Variants in FKBP5 observed in about 807,000 individuals in gnomAD.
FKBP5 encodes FKBP prolyl isomerase 5.
A neutral mutation model predicts 50.5 loss-of-function variants in FKBP5; 23 were observed. The ratio of observed to expected loss-of-function variants is 0.46; its 90% CI spans 0.33 to 0.65. The LOEUF (loss-of-function observed/expected upper bound fraction) is 0.65, where lower values mean the gene tolerates loss of function less well. FKBP5 is among the 30% of genes least tolerant of loss of function. The probability of loss-of-function intolerance (pLI) is 0.02; values close to 1 mark genes in which losing one functional copy is unlikely to be tolerated. For missense variants in FKBP5, 411 were observed against 553.1 expected (o/e 0.74, Z 2.58); for synonymous variants, 176 against 190.6 (o/e 0.92, Z 0.63).
chr6:35,604,315 A>C (rs182891407), intron 5 of FKBP5, among the ~76,000 whole-genome samples: 4 of 152,250 alleles, frequency 2.6e-5, no homozygotes, highest in African/African-American at 7.2e-5. Context: ...GGCCAGAAAG[A>C]CTTATTTTCT....
chr6:35,600,280 G>A (rs774193167), intron 5 of FKBP5, among the ~76,000 whole-genome samples: 24 of 152,038 alleles, frequency 1.6e-4, no homozygotes, highest in Admixed American at 7.9e-4. Context: ...CGCTGAGGGT[G>A]GTGACGCACA....
In FKBP5 at chr6:35,586,863, CAT is replaced by C. The variant is rs111643517; in HGVS notation, c.840+169_840+170del. On this transcript the variant is annotated intron_variant, in intron 8 of 10. Transcript: ENST00000357266. ...GAATCTGTACTTTTTTTTTTTTCCA[CAT>C]GATTGTTTTCTCACCATTTTTCATA... is the stretch of plus-strand genomic sequence containing the variant. 2.1e-3 allele frequency: 2,957 copies of C among 1,437,080 alleles called. 18 individuals carry two copies. The African/African-American group carries it at 0.024, about 12-fold the overall frequency. The allele number at this position is 1,437,080 out of a possible 1,614,324, so 89.0% of individuals were successfully genotyped here. A position where few individuals can be genotyped will look rare whatever the true frequency, so the allele number is the denominator to read the frequency against.
intron 8 of FKBP5, chr6:35,586,797 T>C: frequency 7.2e-7 from 1 of 1,397,142 alleles, no homozygotes; most frequent in Non-Finnish European, 9.3e-7. Flanking sequence ...CTGGTCTGCC[T>C]GTATGGAAGG....
At chr6:35,583,927 G>T in intron 8 of FKBP5, 1 of 985,380 alleles carries the variant, frequency 1.0e-6, no homozygotes, top group South Asian at 4.7e-5. Flanking sequence ...TTTATCTGAA[G>T]AGTTTAGAGG....
At chr6:35,648,626 T>C (rs1042150122) in intron 1 of FKBP5, among the ~76,000 whole-genome samples, 3 of 152,148 alleles carry the variant, frequency 2.0e-5, no homozygotes, top group Non-Finnish European at 4.4e-5. Flanking sequence ...ATATTCAATA[T>C]ATCATTTAGT....
intron 8 of FKBP5, chr6:35,585,270 T>C (rs1561844477): frequency 1.0e-6 from 1 of 982,284 alleles, no homozygotes; most frequent in Non-Finnish European, 1.2e-6. Flanking sequence ...TCTTAAGAAA[T>C]TTTGTAGAAA....
chr6:35,656,498 A>T (rs181459112), intron 1 of FKBP5, among the ~76,000 whole-genome samples: 131 of 152,362 alleles, frequency 8.6e-4, no homozygotes, highest in African/African-American at 3.0e-3. Context: ...TCTTAACAAT[A>T]CAGAGTTCAC....
intron 1 of FKBP5, among the ~76,000 whole-genome samples, chr6:35,723,826 T>C (rs1333064818): frequency 6.6e-6 from 1 of 152,182 alleles, no homozygotes; most frequent in Admixed American, 6.5e-5. Flanking sequence ...CCTTGGGTGA[T>C]AGGGCTGAGT....
chr6:35,612,050 G>C (rs1433653985), intron 5 of FKBP5, among the ~76,000 whole-genome samples: 1 of 152,088 alleles, frequency 6.6e-6, no homozygotes, highest in African/African-American at 2.4e-5. Context: ...AACCATGGTA[G>C]GTAGAGCCAA....
chr6:35,704,658 G>C (rs1162220419), intron 2 of FKBP5, among the ~76,000 whole-genome samples: 3 of 151,832 alleles, frequency 2.0e-5, no homozygotes, highest in Admixed American at 2.0e-4. Flanking sequence ...GTATATTTTT[G>C]TAGACTGAGG....
intron 2 of FKBP5, among the ~76,000 whole-genome samples, chr6:35,704,772 C>G (rs1025201450): frequency 6.6e-6 from 1 of 151,830 alleles, no homozygotes; most frequent in African/African-American, 2.4e-5. Context: ...CATGTAAAGA[C>G]TGCTATGAAA....
intron 2 of FKBP5, among the ~76,000 whole-genome samples, chr6:35,641,925 G>A (rs902179994): frequency 4.0e-5 from 6 of 151,688 alleles, no homozygotes; most frequent in South Asian, 2.1e-4. Flanking sequence ...TCCAGGAGGC[G>A]GAGGTTGCAG....
chr6:35,614,420 A>G (rs1358082582), intron 5 of FKBP5, among the ~76,000 whole-genome samples: 4 of 152,208 alleles, frequency 2.6e-5, no homozygotes, highest in African/African-American at 9.6e-5. Flanking sequence ...AAATAAAACG[A>G]ATAATTAAAA....
intron 5 of FKBP5, among the ~76,000 whole-genome samples, chr6:35,608,339 C>CTTAAAATAA (rs1212114238): frequency 5.5e-4 from 83 of 152,276 alleles, no homozygotes; most frequent in Admixed American, 9.2e-4. Context: ...ACCAAACTGG[C>CTTAAAATAA]ACATGTCCCC....
At chr6:35,721,805 C>T (rs1766615822) in intron 1 of FKBP5, among the ~76,000 whole-genome samples, 1 of 152,232 alleles carries the variant, frequency 6.6e-6, no homozygotes, top group Non-Finnish European at 1.5e-5. Context: ...TGATTTTGAC[C>T]AAGAAACTAA....
At position 35,708,862 on chromosome 6, in the gene FKBP5, A is replaced by G. The variant is rs545680231; in HGVS notation, c.-20+11466T>C. Among the ~76,000 whole-genome samples the G allele has an allele frequency of 3.3e-5, 5 of 152,306 alleles. No homozygotes were observed. The South Asian group carries it at 1.0e-3, about 32-fold the overall frequency. Reference sequence around the variant, plus strand: ...GTAGAAGCCCCATGTTGAAGATGGCATAAAAATGACAGAAGGATCCTAGGT... The same window carrying G: ...GTAGAAGCCCCATGTTGAAGATGGCGTAAAAATGACAGAAGGATCCTAGGT... On this transcript the variant is annotated intron_variant, in intron 2 of 11. Coordinates refer to the FKBP5 transcript ENST00000536438.
At chr6:35,578,134 T>TA (rs1018005810) in intron 9 of FKBP5, among the ~76,000 whole-genome samples, 35 of 151,654 alleles carry the variant, frequency 2.3e-4, no homozygotes, top group South Asian at 1.0e-3. Flanking sequence ...ATTTACATAT[T>TA]AAAAAAAACC....
At chr6:35,714,024 TG>T (rs1766464468) in intron 2 of FKBP5, among the ~76,000 whole-genome samples, 1 of 151,908 alleles carries the variant, frequency 6.6e-6, no homozygotes, top group African/African-American at 2.4e-5. Flanking sequence ...AACTGAGGCC[TG>T]GGGTCACTTC....
intron 1 of FKBP5, among the ~76,000 whole-genome samples, chr6:35,728,297 T>C (rs1398092569): frequency 6.6e-6 from 1 of 152,172 alleles, no homozygotes; most frequent in Non-Finnish European, 1.5e-5. Context: ...CCCGCTCCTC[T>C]GCTCGCGCCC....
Sources: gnomAD v4.1 joint callset for allele counts (sites outside exome capture counted in the v4.1 genomes callset) on GRCh38, gnomAD v4.1.1 for gene constraint, MANE v1.5 for transcripts, NCBI Gene and HGNC (gene_info 2026-07-23, HGNC 2026-07-21) for gene names.